The following PIBF1 variants were observed in gnomAD, a reference collection of about 807,000 sequenced individuals.
The protein encoded by PIBF1 is progesterone immunomodulatory binding factor 1.
A neutral mutation model predicts 112.5 loss-of-function variants in PIBF1; 90 were observed. The observed-to-expected ratio is 0.80, with a 90% CI of 0.67 to 0.95. PIBF1 has a LOEUF of 0.95. Among genes scored for constraint, PIBF1 ranks in the 40% least tolerant of loss-of-function variants. The probability of loss-of-function intolerance (pLI) is 0.00; values close to 1 mark genes in which losing one functional copy is unlikely to be tolerated. For synonymous variants in PIBF1, 301 were observed against 288.6 expected, an observed-to-expected ratio of 1.04 and a Z score of -0.44; for missense variants, 915 against 852.3, an observed-to-expected ratio of 1.07 and a Z score of -0.92.
intron 11 of PIBF1, among the ~76,000 whole-genome samples, chr13:72,896,261 A>G (rs1472811712): frequency 2.0e-5 from 3 of 152,196 alleles, no homozygotes; most frequent in Admixed American, 6.5e-5. Context: ...GTAGGGTACT[A>G]CATCAAGGGA....
intron 10 of PIBF1, among the ~76,000 whole-genome samples, chr13:72,867,805 T>C (rs1054209945): frequency 2.2e-4 from 34 of 152,230 alleles, no homozygotes; most frequent in Admixed American, 5.2e-4. Context: ...AGTAGAAAAT[T>C]AGTTTATGCG....
intron 4 of PIBF1, among the ~76,000 whole-genome samples, chr13:72,796,326 G>A (rs1458489812): frequency 2.0e-5 from 3 of 152,126 alleles, no homozygotes; most frequent in East Asian, 3.9e-4. Flanking sequence ...AGTGGCGAGT[G>A]GGGCAGAGTC....
At chr13:72,920,372 C>T (rs2041246125) in intron 13 of PIBF1, among the ~76,000 whole-genome samples, 1 of 152,104 alleles carries the variant, frequency 6.6e-6, no homozygotes, top group Non-Finnish European at 1.5e-5. Flanking sequence ...GGCTAGATAT[C>T]CAAAGAGAAC....
intron 16 of PIBF1, among the ~76,000 whole-genome samples, chr13:72,994,465 A>G (rs1238600324): frequency 6.6e-6 from 1 of 152,218 alleles, no homozygotes; most frequent in Non-Finnish European, 1.5e-5. Flanking sequence ...TAAGAAAAAG[A>G]ATCCAGTCAA....
chr13:72,963,823 CA>C (rs1423139223), intron 14 of PIBF1, among the ~76,000 whole-genome samples: 1 of 152,128 alleles, frequency 6.6e-6, no homozygotes, highest in Non-Finnish European at 1.5e-5. Context: ...CCAGTATGCA[CA>C]TGAAATAATG....
chr13:72,958,597 T>TA (rs2042519378), intron 14 of PIBF1, among the ~76,000 whole-genome samples: 1 of 152,180 alleles, frequency 6.6e-6, no homozygotes, highest in Non-Finnish European at 1.5e-5. Context: ...CCACTGTCCG[T>TA]TCCACCACAG....
intron 5 of PIBF1, among the ~76,000 whole-genome samples, 185 bp downstream of exon 5, chr13:72,798,211 A>T (rs1380768093): frequency 1.3e-5 from 2 of 152,176 alleles, no homozygotes; most frequent in Non-Finnish European, 2.9e-5. Context: ...TTGACAAGAC[A>T]AGTCTGTGTT....
At chr13:72,827,603 G>A (rs936941095) in intron 7 of PIBF1, 130 bp from the exon 8 acceptor site, 22 of 521,620 alleles carry the variant, frequency 4.2e-5, no homozygotes, top group African/African-American at 4.1e-4. Flanking sequence ...TGCATGCTAA[G>A]AATTAGCCCT....
chr13:72,846,227 C>T (rs993989211), intron 9 of PIBF1, among the ~76,000 whole-genome samples: 3 of 152,110 alleles, frequency 2.0e-5, no homozygotes, highest in Admixed American at 6.5e-5. Context: ...TTACCCAGTT[C>T]GATTAAAGAC....
chr13:72,992,010 G>A (rs1467897147), intron 16 of PIBF1, among the ~76,000 whole-genome samples: 8 of 152,124 alleles, frequency 5.3e-5, no homozygotes, highest in Admixed American at 6.5e-5. Context: ...CAGCCACCGT[G>A]CCCAGCCCCC....
rs1038545028 is a variant in PIBF1 at position 72,995,941 on chromosome 13, TC to T, written c.2050-2879del. The stretch of plus-strand genomic sequence containing the variant: ...TCCAGCCTGGATGACAGAGCGAGAC[TC>T]CATCTCAAAAAAAAAAAGAAAAGAA... On this transcript the variant is annotated intron_variant, in intron 16 of 17. Transcript: ENST00000326291. Among the ~76,000 whole-genome samples the T allele has an allele frequency of 9.0e-5, 12 of 133,738 alleles. No homozygotes were observed. In the East Asian group the frequency reaches 1.4e-3, roughly 16 times the overall value. 87.7% of individuals were successfully genotyped at this position (133,738 alleles called of 152,430 possible). A position where few individuals can be genotyped will look rare whatever the true frequency, so the allele number is the denominator to read the frequency against.
chr13:72,855,378 C>G (rs1566363485), intron 10 of PIBF1, among the ~76,000 whole-genome samples: 1 of 152,030 alleles, frequency 6.6e-6, no homozygotes, highest in Non-Finnish European at 1.5e-5. Context: ...ATGTCTTATT[C>G]TAAATATCAT....
At chr13:72,807,934 T>A (rs2035818596) in intron 5 of PIBF1, among the ~76,000 whole-genome samples, 1 of 152,222 alleles carries the variant, frequency 6.6e-6, no homozygotes, top group Non-Finnish European at 1.5e-5. Flanking sequence ...CAAATACCTC[T>A]CCATCTATCC....
intron 5 of PIBF1, among the ~76,000 whole-genome samples, chr13:72,802,000 T>C (rs1448902625): frequency 1.5e-5 from 1 of 68,392 alleles, no homozygotes; most frequent in African/African-American, 6.8e-5. Context: ...TTTCTTAGGA[T>C]TTTTAAAAAA....
intron 14 of PIBF1, among the ~76,000 whole-genome samples, chr13:72,964,122 T>C (rs192876636): frequency 1.3e-5 from 2 of 152,314 alleles, no homozygotes; most frequent in Admixed American, 1.3e-4. Context: ...CAAAATGTAC[T>C]ATAAACATAC....
chr13:73,014,231 C>G (rs1049451478), intron 17 of PIBF1, among the ~76,000 whole-genome samples: 6 of 152,090 alleles, frequency 3.9e-5, no homozygotes, highest in Non-Finnish European at 7.4e-5. Flanking sequence ...GCCTTGGCCT[C>G]CCGGTGTGAG....
chr13:72,792,314 T>C (rs2034974347), intron 2 of PIBF1, 133 bp from the exon 3 acceptor site: 1 of 600,784 alleles, frequency 1.7e-6, no homozygotes, highest in East Asian at 3.2e-5. Flanking sequence ...ATTATAGGCG[T>C]GAGCCCCTGT....
At chr13:72,888,590 A>G (rs1044220230) in intron 10 of PIBF1, among the ~76,000 whole-genome samples, 6 of 152,162 alleles carry the variant, frequency 3.9e-5, no homozygotes, top group African/African-American at 1.4e-4. Flanking sequence ...TTTTGAAACA[A>G]TCTAAATGTT....
chr13:72,986,315 G>C (rs1012035530), intron 16 of PIBF1, among the ~76,000 whole-genome samples: 1 of 152,206 alleles, frequency 6.6e-6, no homozygotes, highest in South Asian at 2.1e-4. Flanking sequence ...TCAGAAAGCA[G>C]AGTGGGGAAA....
Sources: gnomAD v4.1 joint callset for allele counts (sites outside exome capture counted in the v4.1 genomes callset) on GRCh38, gnomAD v4.1.1 for gene constraint, MANE v1.5 for transcripts, NCBI Gene and HGNC (gene_info 2026-07-23, HGNC 2026-07-21) for gene names.